The following VPS4B variants were observed in gnomAD, a reference collection of about 807,000 sequenced individuals.
The protein encoded by VPS4B is vacuolar protein sorting-associated protein 4B.
In VPS4B, 23 loss-of-function variants were observed where a neutral mutation model predicts 56.1. The observed-to-expected ratio is 0.41, with a 90% CI of 0.30 to 0.58. VPS4B has a LOEUF of 0.58. VPS4B is among the 20% of genes least tolerant of loss of function. VPS4B has a pLI of 0.29. For missense variants in VPS4B, 372 were observed against 531.9 expected, an observed-to-expected ratio of 0.70 and a Z score of 2.96; for synonymous variants, 177 against 186.0, an observed-to-expected ratio of 0.95 and a Z score of 0.39.
chr18:63,394,256 T>C (rs1343976992), intron 9 of VPS4B, among the ~76,000 whole-genome samples: 1 of 152,234 alleles, frequency 6.6e-6, no homozygotes, highest in Non-Finnish European at 1.5e-5. Context: ...ACTTCTGTAA[T>C]ATTTGGAACT....
At chr18:63,401,930 T>C (rs575481195) in intron 5 of VPS4B, among the ~76,000 whole-genome samples, 79 of 151,816 alleles carry the variant, frequency 5.2e-4, no homozygotes, top group African/African-American at 1.8e-3. Flanking sequence ...GAGGTGGAGG[T>C]TGCAGTGAAA....
At chr18:63,416,220 T>C (rs552156701) in intron 1 of VPS4B, 25 of 204,708 alleles carry the variant, frequency 1.2e-4, no homozygotes, top group African/African-American at 4.6e-4. Context: ...ACTAACACTT[T>C]CTCCTTATTC....
At chr18:63,407,750 T>A (rs1915949756) in intron 3 of VPS4B, among the ~76,000 whole-genome samples, 1 of 152,198 alleles carries the variant, frequency 6.6e-6, no homozygotes, top group South Asian at 2.1e-4. Context: ...CAAATTCCCA[T>A]GACATATTTA....
chr18:63,408,726 C>T (rs1023613398), intron 3 of VPS4B, among the ~76,000 whole-genome samples: 6 of 152,200 alleles, frequency 3.9e-5, no homozygotes, highest in Non-Finnish European at 7.3e-5. Flanking sequence ...GATTCCCTGG[C>T]CCCACTATTC....
At chr18:63,392,750 ATTTTTTGTTTT>A (rs1403497021) in intron 10 of VPS4B, among the ~76,000 whole-genome samples, 4 of 69,630 alleles carry the variant, frequency 5.7e-5, no homozygotes, top group East Asian at 7.0e-4. Context: ...ACCTGGCCCT[ATTTTTTGTTTT>A]TTTTTTGGAG....
intron 1 of VPS4B, among the ~76,000 whole-genome samples, chr18:63,418,781 C>T (rs933659871): frequency 1.1e-4 from 16 of 152,134 alleles, no homozygotes; most frequent in African/African-American, 2.7e-4. Flanking sequence ...GAATTTCTAA[C>T]GTGGTCTTTG....
intron 2 of VPS4B, among the ~76,000 whole-genome samples, chr18:63,410,999 T>C (rs879809449): frequency 2.0e-5 from 3 of 152,202 alleles, no homozygotes; most frequent in Non-Finnish European, 2.9e-5. Context: ...GAGCCCCACA[T>C]AGCTTACAGG....
intron 1 of VPS4B, among the ~76,000 whole-genome samples, chr18:63,413,922 C>T (rs3786329): frequency 0.16 from 23,645 of 152,122 alleles, 2,079 homozygotes; most frequent in East Asian, 0.35. Flanking sequence ...GTAATAGTTA[C>T]GTATCTCACA....
rs1916010880 is a variant in VPS4B, at chr18:63,410,337, T to C, written c.249A>G (p.Ala83=). 2 of 1,614,080 alleles carry C rather than the reference T, an allele frequency of 1.2e-6. No homozygotes were observed. Among genetic ancestry groups the C allele is most frequent in the Non-Finnish European group, 1.7e-6 (2 of 1,180,006 alleles). Residue 83 remains alanine, a synonymous_variant, in exon 3 of 11, where the codon GCA becomes GCG. Transcript: ENST00000238497. ...GCTGTCCTTCTTTCACTGGCTTCTG[T>C]GCTTTTTTCTCTTTATTTTTCAGGT... ...KEYLKNKEKK[A]QKPVKEGQPS... is the part of the protein sequence containing the mutation.
rs918210377 is a variant in VPS4B, at chr18:63,390,468, C to T, written c.*507G>A. 3.3e-5 allele frequency: 5 copies of T among 152,754 alleles called. No individual in the cohort carries two copies. The highest frequency in any genetic ancestry group is 5.9e-5 in the Non-Finnish European group (4 of 68,132). The allele number at this position is 152,754 out of a possible 1,614,324, so 9.5% of individuals were successfully genotyped here. Reference sequence around the variant, plus strand: ...AAGAGCACTGTCTATAATTCAAAATCTTTCAAACCCAATCACAAAGCTCTT... The same window carrying T: ...AAGAGCACTGTCTATAATTCAAAATTTTTCAAACCCAATCACAAAGCTCTT... On this transcript the variant is annotated 3_prime_UTR_variant, in exon 11 of 11. Coordinates refer to ENST00000238497, the MANE Select transcript of VPS4B (RefSeq NM_004869.4).
rs1916008502 is a variant in VPS4B at position 63,410,299 on chromosome 18, T to A, written c.287A>T (p.Asp96Val). Residue 96 changes from aspartate (D) to valine (V), a missense_variant, in exon 3 of 11, where the codon GAT becomes GTT. Transcript: ENST00000238497. ...PVKEGQPSPA[D>V]EKGNDSDGEG... The stretch of plus-strand genomic sequence containing the variant: ...AATTTTAAACACGTACCCCTTCTCA[T>A]CTGCTGGACTCGGCTGTCCTTCTTT... The A allele has an allele frequency of 6.2e-7, 1 of 1,613,770 alleles. No individual in the cohort carries two copies. Among genetic ancestry groups the A allele is most frequent in the South Asian group, 1.1e-5 (1 of 91,054 alleles).
At chr18:63,410,799 A>G (rs1247547519) in intron 2 of VPS4B, among the ~76,000 whole-genome samples, 2 of 152,260 alleles carry the variant, frequency 1.3e-5, no homozygotes, top group Non-Finnish European at 2.9e-5. Flanking sequence ...CAATTATAAA[A>G]AAGACAAATA....
chr18:63,416,739 A>G (rs1463154396), intron 1 of VPS4B, among the ~76,000 whole-genome samples: 1 of 152,180 alleles, frequency 6.6e-6, no homozygotes, highest in Admixed American at 6.5e-5. Flanking sequence ...CCCGAACCCT[A>G]GAATCCTCCT....
At chr18:63,409,302 A>C (rs929118221) in intron 3 of VPS4B, among the ~76,000 whole-genome samples, 1 of 152,234 alleles carries the variant, frequency 6.6e-6, no homozygotes, top group African/African-American at 2.4e-5. Flanking sequence ...ATGTACTTCC[A>C]AATGGTCTGT....
intron 9 of VPS4B, among the ~76,000 whole-genome samples, chr18:63,395,875 G>A (rs993130041): frequency 6.6e-6 from 1 of 152,134 alleles, no homozygotes; most frequent in African/African-American, 2.4e-5. Context: ...TTTCAGATTT[G>A]GAAACACACC....
At chr18:63,420,089 G>T (rs906981447) in intron 1 of VPS4B, among the ~76,000 whole-genome samples, 8 of 152,178 alleles carry the variant, frequency 5.3e-5, no homozygotes, top group African/African-American at 1.9e-4. Flanking sequence ...TAACAATTAT[G>T]CCTTTCATGT....
intron 1 of VPS4B, among the ~76,000 whole-genome samples, chr18:63,419,813 T>G (rs1177908307): frequency 6.6e-6 from 1 of 152,252 alleles, no homozygotes; most frequent in Non-Finnish European, 1.5e-5. Flanking sequence ...TTATTGAAAC[T>G]GTGGAAAGTA....
At chr18:63,414,335 A>C (rs1599366385) in intron 1 of VPS4B, among the ~76,000 whole-genome samples, 1 of 151,822 alleles carries the variant, frequency 6.6e-6, no homozygotes, top group Non-Finnish European at 1.5e-5. Flanking sequence ...ATGCCACTGC[A>C]CTCTAGCCTG....
At chr18:63,393,653 T>G in intron 9 of VPS4B, 104 bp from the exon 10 acceptor site, 2 of 1,148,906 alleles carry the variant, frequency 1.7e-6, no homozygotes, top group Non-Finnish European at 2.3e-6. Context: ...TTGTATGTTT[T>G]ATTAGAATGT....
Sources: gnomAD v4.1 joint callset for allele counts (sites outside exome capture counted in the v4.1 genomes callset) on GRCh38, gnomAD v4.1.1 for gene constraint, MANE v1.5 for transcripts, NCBI Gene and HGNC (gene_info 2026-07-23, HGNC 2026-07-21) for gene names.